Variants in VANGL1 observed in about 807,000 individuals in gnomAD.
The protein encoded by VANGL1 is vang-like protein 1.
Under a neutral mutation model 48.4 loss-of-function variants are expected in VANGL1, and 18 were observed. That is an observed-to-expected ratio of 0.37 (90% confidence interval 0.26 to 0.55). The LOEUF (loss-of-function observed/expected upper bound fraction) is 0.55. Ranked by LOEUF, VANGL1 falls within the 20% of genes least tolerant of loss-of-function variation. The pLI is 0.81. For missense variants in VANGL1, 667 were observed against 675.8 expected, an observed-to-expected ratio of 0.99 and a Z score of 0.14; for synonymous variants, 257 against 261.8, an observed-to-expected ratio of 0.98 and a Z score of 0.18.
chr1:115,648,318 G>A (rs193302078), intron 1 of VANGL1, among the ~76,000 whole-genome samples: 178 of 152,334 alleles, frequency 1.2e-3, no homozygotes, highest in African/African-American at 3.9e-3. Flanking sequence ...AGTTGTTTCA[G>A]TGGAGTGTTG....
chr1:115,685,423 G>A lies in VANGL1; in HGVS notation c.1210G>A (p.Ala404Thr). 1 of 1,614,132 alleles carries A rather than the reference G, an allele frequency of 6.2e-7. No individual in the cohort carries two copies. Among genetic ancestry groups the A allele is most frequent in the Non-Finnish European group, 8.5e-7 (1 of 1,180,026 alleles). ...GGCCATTTTCCCCTCCATGGCCAGG[G>A]CTCTCCAGAAGTACCTGCGCATCAC... ...AQAIFPSMAR[A>T]LQKYLRITRQ... Residue 404 changes from alanine (A) to threonine (T), a missense_variant, in exon 7 of 8, where the codon GCT becomes ACT. By Grantham distance (58) the Ala-to-Thr change is moderately conservative (BLOSUM62 0). Coordinates refer to ENST00000355485, the MANE Select transcript of VANGL1 (RefSeq NM_138959.3).
chr1:115,645,242 AAT>A (rs1651871750), intron 1 of VANGL1, among the ~76,000 whole-genome samples: 1 of 152,198 alleles, frequency 6.6e-6, no homozygotes, highest in Non-Finnish European at 1.5e-5. Context: ...AGCTATAGCT[AAT>A]AGTAGCAGTT....
chr1:115,653,129 A>G (rs1419992751), intron 2 of VANGL1, among the ~76,000 whole-genome samples: 1 of 152,058 alleles, frequency 6.6e-6, no homozygotes, highest in African/African-American at 2.4e-5. Flanking sequence ...TTATGGTCGT[A>G]TTTTCTTTTT....
chr1:115,673,913 A>C (rs1176697368), intron 4 of VANGL1, among the ~76,000 whole-genome samples: 1 of 151,976 alleles, frequency 6.6e-6, no homozygotes, highest in Non-Finnish European at 1.5e-5. Flanking sequence ...CTCTTTTCTT[A>C]TACGGATACC....
At chr1:115,652,553 A>G (rs1331192777) in intron 2 of VANGL1, among the ~76,000 whole-genome samples, 1 of 152,232 alleles carries the variant, frequency 6.6e-6, no homozygotes, top group Admixed American at 6.5e-5. Context: ...AGGTCAGTCA[A>G]CAGTGGCTAA....
At chr1:115,657,775 C>G (rs1652403208) in intron 2 of VANGL1, among the ~76,000 whole-genome samples, 1 of 152,180 alleles carries the variant, frequency 6.6e-6, no homozygotes, top group African/African-American at 2.4e-5. Flanking sequence ...GGCTCACGGT[C>G]CTGCAGGCTT....
At chr1:115,677,565 G>A (rs1258915033) in intron 4 of VANGL1, among the ~76,000 whole-genome samples, 2 of 152,162 alleles carry the variant, frequency 1.3e-5, no homozygotes, top group Non-Finnish European at 2.9e-5. Context: ...GGTCTCAAGC[G>A]AATTTCTGTC....
chr1:115,647,886 T>A (rs549750657), intron 1 of VANGL1, among the ~76,000 whole-genome samples: 1 of 152,340 alleles, frequency 6.6e-6, no homozygotes, highest in East Asian at 1.9e-4. Flanking sequence ...GTAGGAAATG[T>A]GCACTTGGGA....
chr1:115,669,850 T>C (rs910814108), intron 4 of VANGL1, among the ~76,000 whole-genome samples: 1 of 152,156 alleles, frequency 6.6e-6, no homozygotes, highest in African/African-American at 2.4e-5. Context: ...TTAGAAGAAA[T>C]GATCCTTGGA....
intron 1 of VANGL1, among the ~76,000 whole-genome samples, chr1:115,647,133 C>T (rs1440908124): frequency 1.3e-5 from 2 of 152,244 alleles, no homozygotes; most frequent in Non-Finnish European, 2.9e-5. Flanking sequence ...GTGACGTCTG[C>T]ATTGTAATTT....
Position 115,659,563 on chromosome 1 carries a change from A to C in VANGL1, c.72-78A>C. 3 of 1,596,468 alleles carry C rather than the reference A, an allele frequency of 1.9e-6. No homozygotes were observed. In the South Asian group the frequency reaches 3.3e-5, roughly 18 times the overall value. Reference sequence around the variant, plus strand: ...TGTATGTAGAATTTCCCTAAATTCAAAATGATACTTACATTTTGATAAACC... The same window carrying C: ...TGTATGTAGAATTTCCCTAAATTCACAATGATACTTACATTTTGATAAACC... On this transcript the variant is annotated intron_variant, in intron 2 of 7. Coordinates refer to ENST00000355485, the MANE Select transcript of VANGL1 (RefSeq NM_138959.3).
Position 115,691,100 on chromosome 1 carries a change from C to T in VANGL1, c.1315-19C>T, listed in dbSNP as rs1468315348. ...AACAGGCTGTTTCTTCCCTAATGGCCTTTCTCCTCTGCTTCCAGGCCTTCC... is the reference window on the plus strand; with the variant it reads ...AACAGGCTGTTTCTTCCCTAATGGCTTTTCTCCTCTGCTTCCAGGCCTTCC... On this transcript the variant is annotated intron_variant, in intron 7 of 7. Transcript: ENST00000355485. The T allele has an allele frequency of 6.2e-7, 1 of 1,614,062 alleles. No individual in the cohort carries two copies. Among genetic ancestry groups the T allele is most frequent in the Non-Finnish European group, 8.5e-7 (1 of 1,180,048 alleles).
chr1:115,676,682 T>C (rs1282053971), intron 4 of VANGL1, among the ~76,000 whole-genome samples: 1 of 152,196 alleles, frequency 6.6e-6, no homozygotes, highest in Non-Finnish European at 1.5e-5. Context: ...CATAATGTCA[T>C]AGAACTTGGA....
intron 2 of VANGL1, among the ~76,000 whole-genome samples, chr1:115,656,210 T>G (rs1189685696): frequency 6.6e-5 from 10 of 152,196 alleles, no homozygotes; most frequent in Non-Finnish European, 1.3e-4. Context: ...CCCAACTTCA[T>G]CCACTTCATA....
chr1:115,679,833 G>T (rs1483965720), intron 4 of VANGL1, among the ~76,000 whole-genome samples: 5 of 152,148 alleles, frequency 3.3e-5, no homozygotes. Flanking sequence ...TTCTTTATCA[G>T]TGGAGGAGGG....
intron 4 of VANGL1, among the ~76,000 whole-genome samples, chr1:115,672,975 A>G (rs1417716297): frequency 6.6e-6 from 1 of 152,230 alleles, no homozygotes; most frequent in Non-Finnish European, 1.5e-5. Flanking sequence ...TCTTCTGGGA[A>G]GCAGCAGGTG....
At position 115,663,700 on chromosome 1, in the gene VANGL1, A is replaced by C; in HGVS notation, c.244A>C (p.Thr82Pro). The C allele has an allele frequency of 6.2e-7, 1 of 1,614,174 alleles. No individual in the cohort carries two copies. Among genetic ancestry groups the C allele is most frequent in the East Asian group, 2.2e-5 (1 of 44,878 alleles). The change falls in exon 4 of 8, where the codon ACC (threonine) becomes CCC (proline). Residue 82 changes from threonine to proline, a missense_variant. Coordinates refer to ENST00000355485, the MANE Select transcript of VANGL1 (RefSeq NM_138959.3). ...AGAGACCACCACGGCCATCACAGGCACCTCGGAGCACAGCATATCCCAAGA... is the reference window on the plus strand; with the variant it reads ...AGAGACCACCACGGCCATCACAGGCCCCTCGGAGCACAGCATATCCCAAGA... Reference protein sequence around the residue: ...WGETTTAITGTSEHSISQEDI... With the variant: ...WGETTTAITGPSEHSISQEDI...
chr1:115,666,730 A>G (rs1326150020), intron 4 of VANGL1, among the ~76,000 whole-genome samples: 1 of 152,120 alleles, frequency 6.6e-6, no homozygotes, highest in Non-Finnish European at 1.5e-5. Context: ...CCTGCCTTTA[A>G]TAAGGCCCCC....
At chr1:115,662,864 G>A (rs1652614924) in intron 3 of VANGL1, among the ~76,000 whole-genome samples, 1 of 149,716 alleles carries the variant, frequency 6.7e-6, no homozygotes, top group Admixed American at 6.7e-5. Context: ...TCAGCTCACT[G>A]CAACCTCCGA....
Sources: gnomAD v4.1 joint callset for allele counts (sites outside exome capture counted in the v4.1 genomes callset) on GRCh38, gnomAD v4.1.1 for gene constraint, MANE v1.5 for transcripts, NCBI Gene and HGNC (gene_info 2026-07-23, HGNC 2026-07-21) for gene names.